HAS3: variants seen among roughly 807,000 people sequenced by gnomAD.
HAS3 encodes hyaluronan synthase 3, also known as HA synthase 3.
A neutral mutation model predicts 50.3 loss-of-function variants in HAS3; 27 were observed. The ratio of observed to expected loss-of-function variants is 0.54; its 90% CI spans 0.40 to 0.74. The LOEUF is 0.74. Among genes scored for constraint, HAS3 ranks in the 30% least tolerant of loss-of-function variants. HAS3 has a pLI of 0.00. For missense variants in HAS3, 517 were observed against 742.8 expected, an observed-to-expected ratio of 0.70 and a Z score of 3.53; for synonymous variants, 339 against 310.9, an observed-to-expected ratio of 1.09 and a Z score of -0.95.
At chr16:69,093,386 ATTT>A in the HAS3 span, among the ~76,000 whole-genome samples, 2 of 149,190 alleles carry the variant, frequency 1.3e-5, no homozygotes, top group African/African-American at 4.9e-5. Flanking sequence ...TACTTTTTGT[ATTT>A]TTTAGTAGAG....
the HAS3 span, among the ~76,000 whole-genome samples, chr16:69,085,916 G>A: frequency 6.6e-6 from 1 of 151,602 alleles, no homozygotes; most frequent in Admixed American, 6.6e-5. Flanking sequence ...GCCCAAGCTG[G>A]TATGGAGTAG....
the HAS3 span, among the ~76,000 whole-genome samples, chr16:69,086,606 A>G: frequency 6.6e-6 from 1 of 151,768 alleles, no homozygotes; most frequent in African/African-American, 2.4e-5. Flanking sequence ...ACTTTAGGAT[A>G]ATAAAAGCAC....
In HAS3 at chr16:69,114,636, C is replaced by T. The variant is rs767007409; in HGVS notation, c.1032C>T (p.Pro344=). ...TARSKCLTET[P]TKYLRWLNQQ... ...GCTCCAAGTGCCTCACAGAGACCCCCACTAAGTACCTCCGGTGGCTCAACC... is the reference window on the plus strand; with the variant it reads ...GCTCCAAGTGCCTCACAGAGACCCCTACTAAGTACCTCCGGTGGCTCAACC... The change falls in exon 4 of 4, where the codon CCC becomes CCT. Residue 344 remains proline (P), a synonymous_variant. Transcript: ENST00000569188. The surrounding 1 kb of genome is among the most constrained non-coding windows in gnomAD (Gnocchi z 6.4). 1 of 1,614,000 alleles carries T rather than the reference C, an allele frequency of 6.2e-7. No homozygotes were observed. Among genetic ancestry groups the T allele is most frequent in the African/African-American group, 1.3e-5 (1 of 74,924 alleles).
chr16:69,083,548 G>C, the HAS3 span: 2 of 1,611,642 alleles, frequency 1.2e-6, no homozygotes, highest in Non-Finnish European at 1.7e-6. Context: ...TCTGGAGCCC[G>C]ATGACGTGGC....
At chr16:69,110,142 A>G in intron 2 of HAS3, 111 bp downstream of exon 2, 2 of 1,077,856 alleles carry the variant, frequency 1.9e-6, no homozygotes, top group Admixed American at 5.2e-5. Context: ...TTGTGCACAC[A>G]CCTGTGCACT....
chr16:69,096,720 T>C, the HAS3 span, among the ~76,000 whole-genome samples: 1 of 146,922 alleles, frequency 6.8e-6, no homozygotes, highest in African/African-American at 2.5e-5. Context: ...CGGGTTCAAG[T>C]GATTATCCTG....
downstream of HAS3, chr16:69,118,223 T>TA: frequency 1.5e-6 from 1 of 668,572 alleles, no homozygotes; most frequent in Non-Finnish European, 2.7e-6. Context: ...GTTGGATGAG[T>TA]AGAGGGGCCT....
chr16:69,100,220 T>C, the HAS3 span, among the ~76,000 whole-genome samples: 1 of 152,254 alleles, frequency 6.6e-6, no homozygotes, highest in Non-Finnish European at 1.5e-5. Context: ...AAGAATAACT[T>C]TGTTTGGTGG....
At chr16:69,090,178 A>G in the HAS3 span, among the ~76,000 whole-genome samples, 5 of 152,148 alleles carry the variant, frequency 3.3e-5, no homozygotes, top group Non-Finnish European at 7.3e-5. Flanking sequence ...GTACTCACAT[A>G]TACACATGAA....
At chr16:69,093,385 T>G in the HAS3 span, among the ~76,000 whole-genome samples, 2 of 151,438 alleles carry the variant, frequency 1.3e-5, no homozygotes, top group African/African-American at 4.9e-5. Flanking sequence ...CTACTTTTTG[T>G]ATTTTTTAGT....
the HAS3 span, among the ~76,000 whole-genome samples, chr16:69,097,591 G>A: frequency 2.6e-5 from 4 of 152,188 alleles, no homozygotes; most frequent in Admixed American, 2.6e-4. Context: ...GCAGACACTT[G>A]CGTGGGAGTA....
At chr16:69,101,799 T>A (rs1960699896), upstream of HAS3, among the ~76,000 whole-genome samples, 1 of 151,892 alleles carries the variant, frequency 6.6e-6, no homozygotes, top group Admixed American at 6.6e-5. Context: ...TTTTTTTTTT[T>A]TATGAGACGG....
In HAS3 at chr16:69,107,550, G is replaced by T; in HGVS notation, c.-1+1763G>T. 1.0e-6 allele frequency: 1 copy of T among 985,502 alleles called. No individual in the cohort carries two copies. The highest frequency in any genetic ancestry group is 1.2e-6 in the Non-Finnish European group (1 of 829,996). 61.0% of individuals were successfully genotyped at this position (985,502 alleles called of 1,614,324 possible). On this transcript the variant is annotated intron_variant, in intron 1 of 3. Transcript: ENST00000569188. The surrounding 1 kb of genome is among the most constrained non-coding windows in gnomAD (Gnocchi z 5.5). ...GATGAGAAGCGTGGCGAGTGCGTTC[G>T]CGGCTGCTTTGACCTGGTGGGCGCC... is the stretch of plus-strand genomic sequence containing the variant.
chr16:69,086,928 A>G, the HAS3 span, among the ~76,000 whole-genome samples: 23 of 151,998 alleles, frequency 1.5e-4, no homozygotes, highest in Non-Finnish European at 2.9e-4. Context: ...AAGCACAAAA[A>G]CTTAAACGAA....
At chr16:69,091,257 C>T in the HAS3 span, among the ~76,000 whole-genome samples, 1 of 152,296 alleles carries the variant, frequency 6.6e-6, no homozygotes, top group East Asian at 1.9e-4. Flanking sequence ...CATATCAGTA[C>T]TCACAGATCT....
At chr16:69,088,363 C>T in the HAS3 span, among the ~76,000 whole-genome samples, 9 of 151,804 alleles carry the variant, frequency 5.9e-5, no homozygotes, top group Non-Finnish European at 1.2e-4. Context: ...AGTTTGAGAC[C>T]AGCCTGGCCA....
chr16:69,117,015 G>C lies in HAS3; in HGVS notation c.*1749G>C. 1.0e-6 allele frequency: 1 copy of C among 985,486 alleles called. No individual in the cohort carries two copies. Among genetic ancestry groups the C allele is most frequent in the Non-Finnish European group, 1.2e-6 (1 of 829,944 alleles). 61.0% of individuals were successfully genotyped at this position (985,486 alleles called of 1,614,324 possible). ...TCCCACGAACTCAAGGGTTTTCCAG[G>C]TGTAGCTAACAGTTGCCACATCACA... On this transcript the variant is annotated 3_prime_UTR_variant, in exon 4 of 4. Coordinates refer to ENST00000569188, the MANE Select transcript of HAS3 (RefSeq NM_001199280.2).
At chr16:69,090,724 C>T in the HAS3 span, among the ~76,000 whole-genome samples, 7 of 122,982 alleles carry the variant, frequency 5.7e-5, no homozygotes, top group Non-Finnish European at 1.1e-4. Flanking sequence ...CGTGCTACCA[C>T]GCCTGGCTAA....
In HAS3 at chr16:69,116,010, C is replaced by T. The variant is rs951231820; in HGVS notation, c.*744C>T. On this transcript the variant is annotated 3_prime_UTR_variant, in exon 4 of 4. Transcript: ENST00000569188. ...CTACACAGAGGCCTTGGGTGTTCCA[C>T]CTGGAAACTGCTCAGACGTCTAGAT... The T allele has an allele frequency of 7.0e-5, 69 of 985,428 alleles. No homozygotes were observed. Among genetic ancestry groups the T allele is most frequent in the Non-Finnish European group, 8.0e-5 (66 of 829,802 alleles). The allele number at this position is 985,428 out of a possible 1,614,324, so 61.0% of individuals were successfully genotyped here. A position where few individuals can be genotyped will look rare whatever the true frequency, so the allele number is the denominator to read the frequency against.
Sources: gnomAD v4.1 joint callset for allele counts (sites outside exome capture counted in the v4.1 genomes callset) on GRCh38, gnomAD v4.1.1 for gene constraint, Gnocchi (gnomAD v3.1) non-coding constraint, MANE v1.5 for transcripts, NCBI Gene and HGNC (gene_info 2026-07-23, HGNC 2026-07-21) for gene names.